The following NWD2 variants were observed in gnomAD, a reference collection of about 807,000 sequenced individuals.
NWD2 encodes NACHT and WD repeat domain containing 2, also known as NACHT and WD repeat domain-containing protein 2.
A neutral mutation model predicts 132.7 loss-of-function variants in NWD2; 37 were observed. The ratio of observed to expected loss-of-function variants is 0.28; its 90% CI spans 0.21 to 0.37. NWD2 has a LOEUF of 0.37. Ranked by LOEUF, NWD2 falls within the 10% of genes least tolerant of loss-of-function variation. The pLI, the probability that NWD2 is intolerant of heterozygous loss-of-function variation, is 1.00. For synonymous variants in NWD2, 705 were observed against 803.0 expected (o/e 0.88, Z 2.06); for missense variants, 1,592 against 2,122.4 (o/e 0.75, Z 4.91).
intron 1 of NWD2, among the ~76,000 whole-genome samples, chr4:37,255,912 C>CA (rs1350763923): frequency 6.6e-6 from 1 of 152,082 alleles, no homozygotes; most frequent in East Asian, 1.9e-4. Flanking sequence ...CCCAGTGTGT[C>CA]AGAGGATGGA....
At chr4:37,281,260 G>A (rs759764344) in intron 1 of NWD2, among the ~76,000 whole-genome samples, 2 of 152,186 alleles carry the variant, frequency 1.3e-5, no homozygotes, top group Non-Finnish European at 2.9e-5. Flanking sequence ...CCCAGTGGGT[G>A]TCCTCGTGTG....
intron 1 of NWD2, among the ~76,000 whole-genome samples, chr4:37,276,700 G>A (rs541109621): frequency 1.8e-4 from 27 of 152,052 alleles, no homozygotes; most frequent in African/African-American, 5.5e-4. Context: ...TGTTTATCGC[G>A]GCACTATTCA....
chr4:37,337,044 G>T lies in NWD2; in HGVS notation c.240+11020G>T, dbSNP rs532071804. 3.8e-4 allele frequency among the ~76,000 whole-genome samples: 58 copies of T among 151,712 alleles called. 1 individual carries two copies. The highest frequency in any genetic ancestry group is 1.4e-3 in the African/African-American group (58 of 41,416). On this transcript the variant is annotated intron_variant, in intron 2 of 6. Coordinates refer to ENST00000309447, the MANE Select transcript of NWD2 (RefSeq NM_001144990.2). ...CTGCTTTTGGGCATTGTGTTAATAG[G>T]GGGTATATAACCTGAAATAAATACT...
chr4:37,261,905 A>G (rs1396128964), intron 1 of NWD2, among the ~76,000 whole-genome samples: 1 of 152,238 alleles, frequency 6.6e-6, no homozygotes, highest in Non-Finnish European at 1.5e-5. Flanking sequence ...CCAACCAGAT[A>G]TATGGAGGAC....
At chr4:37,423,727 A>G (rs1711896451) in intron 3 of NWD2, among the ~76,000 whole-genome samples, 2 of 152,212 alleles carry the variant, frequency 1.3e-5, no homozygotes, top group South Asian at 4.1e-4. Context: ...ACAACATCAC[A>G]TACCTAACCA....
chr4:37,390,070 G>A (rs943572060), intron 3 of NWD2, among the ~76,000 whole-genome samples: 4 of 152,264 alleles, frequency 2.6e-5, no homozygotes, highest in East Asian at 1.9e-4. Context: ...GATTACAGGC[G>A]TCAGCCACCA....
At chr4:37,383,128 T>C (rs1720489685) in intron 3 of NWD2, among the ~76,000 whole-genome samples, 1 of 152,234 alleles carries the variant, frequency 6.6e-6, no homozygotes, top group Admixed American at 6.5e-5. Context: ...AAGGTGCATT[T>C]CTCTGTGTAA....
intron 3 of NWD2, among the ~76,000 whole-genome samples, chr4:37,429,138 A>G (rs1303127032): frequency 6.6e-6 from 1 of 152,236 alleles, no homozygotes; most frequent in Non-Finnish European, 1.5e-5. Context: ...TAAACTTATT[A>G]AATGACCTAT....
intron 1 of NWD2, among the ~76,000 whole-genome samples, chr4:37,258,236 A>T (rs745411750): frequency 1.3e-5 from 2 of 152,274 alleles, no homozygotes; most frequent in Non-Finnish European, 2.9e-5. Context: ...CTCTTGCATG[A>T]TTAAAAGACT....
chr4:37,358,680 C>T (rs1169973334), intron 3 of NWD2, among the ~76,000 whole-genome samples: 1 of 152,108 alleles, frequency 6.6e-6, no homozygotes, highest in Non-Finnish European at 1.5e-5. Flanking sequence ...CAGTTATCTA[C>T]CTCATCGGGT....
Position 37,447,001 on chromosome 4 carries a change from C to T in NWD2, c.5013C>T (p.His1671=). The change falls in exon 7 of 7, where the codon CAC becomes CAT. Residue 1671 remains histidine (H), a synonymous_variant. Transcript: ENST00000309447. The part of the protein sequence containing the change: ...NSRQIFNNAT[H]TSRPKCNSYC... Reference sequence around the variant, plus strand: ...GACAAATTTTCAACAATGCAACACACACCTCCAGGCCAAAGTGTAACAGTT... The same window carrying T: ...GACAAATTTTCAACAATGCAACACATACCTCCAGGCCAAAGTGTAACAGTT... 6.4e-7 allele frequency: 1 copy of T among 1,551,686 alleles called. No homozygotes were observed. The highest frequency in any genetic ancestry group is 8.7e-7 in the Non-Finnish European group (1 of 1,147,004).
intron 3 of NWD2, among the ~76,000 whole-genome samples, chr4:37,426,613 G>A (rs2109324647): frequency 6.6e-6 from 1 of 152,246 alleles, no homozygotes; most frequent in Non-Finnish European, 1.5e-5. Flanking sequence ...TGCCCCTTCA[G>A]TACTCGTTAA....
At chr4:37,440,054 C>T (rs1219904626) in intron 6 of NWD2, among the ~76,000 whole-genome samples, 3 of 140,976 alleles carry the variant, frequency 2.1e-5, no homozygotes, top group Non-Finnish European at 3.3e-5. Flanking sequence ...AGCTGCCTCC[C>T]ATCTCTTTGG....
intron 2 of NWD2, among the ~76,000 whole-genome samples, chr4:37,350,215 G>T (rs1190772578): frequency 6.6e-6 from 1 of 152,138 alleles, no homozygotes; most frequent in Non-Finnish European, 1.5e-5. Context: ...TCCTAATTCT[G>T]TGAAGAAAGT....
At chr4:37,411,070 T>G (rs777880232) in intron 3 of NWD2, among the ~76,000 whole-genome samples, 7 of 151,724 alleles carry the variant, frequency 4.6e-5, no homozygotes, top group Non-Finnish European at 7.4e-5. Flanking sequence ...CACCCTAACA[T>G]CAAAATTAAA....
At chr4:37,312,468 T>C (rs1718866865) in intron 1 of NWD2, among the ~76,000 whole-genome samples, 1 of 151,146 alleles carries the variant, frequency 6.6e-6, no homozygotes, top group Non-Finnish European at 1.5e-5. Context: ...GTGATTTTTA[T>C]ACATCGATTT....
At chr4:37,354,564 G>A (rs1719831947) in intron 2 of NWD2, among the ~76,000 whole-genome samples, 2 of 152,186 alleles carry the variant, frequency 1.3e-5, no homozygotes, top group South Asian at 4.1e-4. Context: ...AACCTAGAGA[G>A]GCAGTCTACT....
At chr4:37,364,129 C>T (rs889816710) in intron 3 of NWD2, among the ~76,000 whole-genome samples, 3 of 152,150 alleles carry the variant, frequency 2.0e-5, no homozygotes, top group Non-Finnish European at 4.4e-5. Context: ...CAGAGCGAGA[C>T]TCTGTCTCAA....
At chr4:37,316,740 T>C (rs1718967403) in intron 1 of NWD2, among the ~76,000 whole-genome samples, 1 of 152,198 alleles carries the variant, frequency 6.6e-6, no homozygotes, top group African/African-American at 2.4e-5. Flanking sequence ...AAATCTAAAA[T>C]CTGAACCCAC....
Sources: gnomAD v4.1 joint callset for allele counts (sites outside exome capture counted in the v4.1 genomes callset) on GRCh38, gnomAD v4.1.1 for gene constraint, MANE v1.5 for transcripts, NCBI Gene and HGNC (gene_info 2026-07-23, HGNC 2026-07-21) for gene names.